HEPACAM: variants seen among roughly 807,000 people sequenced by gnomAD.
HEPACAM encodes hepatic and glial cell adhesion molecule.
Under a neutral mutation model 38.3 loss-of-function variants are expected in HEPACAM, and 18 were observed. The ratio of observed to expected loss-of-function variants is 0.47; its 90% CI spans 0.33 to 0.70. HEPACAM has a LOEUF of 0.70. Among genes scored for constraint, HEPACAM ranks in the 30% least tolerant of loss-of-function variants. The pLI is 0.03. For missense variants in HEPACAM, 466 were observed against 563.0 expected (o/e 0.83, Z 1.74); for synonymous variants, 216 against 243.1 (o/e 0.89, Z 1.04).
intron 1 of HEPACAM, among the ~76,000 whole-genome samples, chr11:124,934,081 A>G (rs1224966339): frequency 2.6e-5 from 4 of 151,926 alleles, no homozygotes; most frequent in African/African-American, 9.7e-5. Flanking sequence ...CTGCCACCCA[A>G]CTCCAGGCTA....
chr11:124,930,339 T>G (rs1947267215), intron 1 of HEPACAM, among the ~76,000 whole-genome samples: 1 of 152,240 alleles, frequency 6.6e-6, no homozygotes. Flanking sequence ...CCGTGTTGTA[T>G]TCTTACATTT....
rs549252759 is a variant in HEPACAM at position 124,935,961 on chromosome 11, G to T, written c.46C>A (p.Arg16Ser). 2.0e-5 allele frequency: 32 copies of T among 1,614,024 alleles called. No homozygotes were observed. The Admixed American group carries it at 4.7e-4, about 24-fold the overall frequency. Reference sequence around the variant, plus strand: ...AGAAGGTAGACAAAAGGAGCAAGGCGCAGGGCCCTGGAGGCTCTGGACAGG... The same window carrying T: ...AGAAGGTAGACAAAAGGAGCAAGGCTCAGGGCCCTGGAGGCTCTGGACAGG... ...GALSRASRALRLAPFVYLLLI... is the reference protein window; with the variant it reads ...GALSRASRALSLAPFVYLLLI... Residue 16 changes from arginine (R) to serine (S), a missense_variant, in exon 1 of 7, where the codon CGC becomes AGC. Coordinates refer to ENST00000298251, the MANE Select transcript of HEPACAM (RefSeq NM_152722.5).
intron 1 of HEPACAM, among the ~76,000 whole-genome samples, chr11:124,928,016 T>C (rs2135403305): frequency 6.6e-6 from 1 of 152,346 alleles, no homozygotes; most frequent in Admixed American, 6.5e-5. Context: ...GCAAGTAAAA[T>C]GAACAACATA....
chr11:124,921,226 G>C lies in HEPACAM; in HGVS notation c.1163C>G (p.Ser388Trp). The C allele has an allele frequency of 6.8e-7, 1 of 1,473,940 alleles. No individual in the cohort carries two copies. The highest frequency in any genetic ancestry group is 8.9e-7 in the Non-Finnish European group (1 of 1,118,882). 91.3% of individuals were successfully genotyped at this position (1,473,940 alleles called of 1,614,324 possible). Residue 388 changes from serine (S) to tryptophan (W), a missense_variant, in exon 7 of 7, where the codon TCG (serine) becomes TGG (tryptophan). Coordinates refer to ENST00000298251, the MANE Select transcript of HEPACAM (RefSeq NM_152722.5). This position sits in a 1 kb window ranked among gnomAD's most constrained non-coding sequence, Gnocchi z 4.6. ...PPRAPSSPGR[S>W]RSASRTLRTA... ...CCGCAGTGTGCGCGAGGCGCTGCGC[G>C]AGCGGCCGGGCGAGCTCGGGGCCCT...
chr11:124,919,303 T>C lies in HEPACAM; in HGVS notation c.*1835A>G, dbSNP rs1947091017. ...ATGTGCTAGGCACTCTGCTGGATGC[T>C]AGTAATACAAAGATGAAGATGAAAA... On this transcript the variant is annotated 3_prime_UTR_variant, in exon 7 of 7. Transcript: ENST00000298251. The C allele has an allele frequency of 5.3e-6, 1 of 187,062 alleles. No individual in the cohort carries two copies. Among genetic ancestry groups the C allele is most frequent in the Admixed American group, 5.6e-5 (1 of 17,912 alleles). The allele number at this position is 187,062 out of a possible 1,614,324, so 11.6% of individuals were successfully genotyped here.
At position 124,924,161 on chromosome 11, in the gene HEPACAM, C is replaced by T; in HGVS notation, c.428-151G>A. The T allele has an allele frequency of 1.3e-6, 1 of 761,478 alleles. No homozygotes were observed. Among genetic ancestry groups the T allele is most frequent in the Non-Finnish European group, 2.2e-6 (1 of 455,320 alleles). 47.2% of individuals were successfully genotyped at this position (761,478 alleles called of 1,614,324 possible). ...GACTTCAGACATCCTAAGTCCAGTTCTTTCCCATCGCTTATTCATTCGTTT... is the reference window on the plus strand; with the variant it reads ...GACTTCAGACATCCTAAGTCCAGTTTTTTCCCATCGCTTATTCATTCGTTT... On this transcript the variant is annotated intron_variant, in intron 2 of 6. Coordinates refer to ENST00000298251, the MANE Select transcript of HEPACAM (RefSeq NM_152722.5). This position sits in a 1 kb window ranked among gnomAD's most constrained non-coding sequence, Gnocchi z 4.4.
At position 124,924,652 on chromosome 11, in the gene HEPACAM, C is replaced by A; in HGVS notation, c.427+76G>T. On this transcript the variant is annotated intron_variant, in intron 2 of 6. Coordinates refer to ENST00000298251, the MANE Select transcript of HEPACAM (RefSeq NM_152722.5). This position sits in a 1 kb window ranked among gnomAD's most constrained non-coding sequence, Gnocchi z 4.4. ...CCTTTTGGGTTGGTTTTCCCTCAGT[C>A]TAGCTGGTGCGCTGGGCAGACCTTT... is the stretch of plus-strand genomic sequence containing the variant. 2 of 1,375,940 alleles carry A rather than the reference C, an allele frequency of 1.5e-6. No homozygotes were observed. The highest frequency in any genetic ancestry group is 1.0e-6 in the Non-Finnish European group (1 of 965,452). 85.2% of individuals were successfully genotyped at this position (1,375,940 alleles called of 1,614,324 possible). A position where few individuals can be genotyped will look rare whatever the true frequency, so the allele number is the denominator to read the frequency against.
At chr11:124,927,799 G>A (rs1251741198) in intron 1 of HEPACAM, among the ~76,000 whole-genome samples, 4 of 151,996 alleles carry the variant, frequency 2.6e-5, no homozygotes, top group African/African-American at 9.7e-5. Context: ...ACTGAAGCAG[G>A]AAAATCGCTT....
chr11:124,931,437 C>T (rs1257112321), intron 1 of HEPACAM, among the ~76,000 whole-genome samples: 1 of 152,174 alleles, frequency 6.6e-6, no homozygotes, highest in African/African-American at 2.4e-5. Context: ...GAACTCCTGG[C>T]CTCAAGCAAT....
chr11:124,927,881 A>G lies in HEPACAM; in HGVS notation c.86-2812T>C, dbSNP rs531042873. Among the ~76,000 whole-genome samples, 80 of 151,898 alleles carry G rather than the reference A, an allele frequency of 5.3e-4. 1 individual carries two copies. Among genetic ancestry groups the G allele is most frequent in the Non-Finnish European group, 1.1e-3 (72 of 67,978 alleles). ...ACTCCAGGCTGGGTGACAGAGCAAG[A>G]CTCTCTCTCAAAAAATAAATAAATA... On this transcript the variant is annotated intron_variant, in intron 1 of 6. Transcript: ENST00000298251.
chr11:124,925,670 T>G lies in HEPACAM; in HGVS notation c.86-601A>C, dbSNP rs140933460. On this transcript the variant is annotated intron_variant, in intron 1 of 6. Transcript: ENST00000298251. ...TTATACCGAGAGCCTCTTCCCGTTTTTTTTGCAGATGCATGTAGCATCTTA... is the reference window on the plus strand; with the variant it reads ...TTATACCGAGAGCCTCTTCCCGTTTGTTTTGCAGATGCATGTAGCATCTTA... Among the ~76,000 whole-genome samples the G allele has an allele frequency of 7.5e-4, 114 of 152,230 alleles. 2 individuals carry two copies. Among genetic ancestry groups the G allele is most frequent in the African/African-American group, 2.6e-3 (109 of 41,546 alleles).
chr11:124,920,309 G>T lies in HEPACAM; in HGVS notation c.*829C>A. On this transcript the variant is annotated 3_prime_UTR_variant, in exon 7 of 7. Transcript: ENST00000298251. ...AGTTCCTCATTTGGTCTAGTTTTCG[G>T]GCCAGGGGAGTAAGTGAAATTCACT... 7.6e-7 allele frequency: 1 copy of T among 1,322,806 alleles called. No homozygotes were observed. The highest frequency in any genetic ancestry group is 1.0e-6 in the Non-Finnish European group (1 of 959,154). 81.9% of individuals were successfully genotyped at this position (1,322,806 alleles called of 1,614,324 possible).
intron 1 of HEPACAM, among the ~76,000 whole-genome samples, chr11:124,933,007 T>G (rs1191456693): frequency 1.3e-5 from 2 of 152,100 alleles, no homozygotes; most frequent in African/African-American, 4.8e-5. Context: ...AATTTATTGG[T>G]CCCAGAAGCA....
In HEPACAM at chr11:124,921,323, G is replaced by A; in HGVS notation, c.1066C>T (p.Arg356Cys). 1 of 1,283,174 alleles carries A rather than the reference G, an allele frequency of 7.8e-7. No individual in the cohort carries two copies. The highest frequency in any genetic ancestry group is 2.7e-5 in the South Asian group (1 of 36,558). 79.5% of individuals were successfully genotyped at this position (1,283,174 alleles called of 1,614,324 possible). Residue 356 changes from arginine to cysteine, a missense_variant, in exon 7 of 7, where the codon CGC (arginine) becomes TGC (cysteine). Physicochemically the swap from Arg to Cys is radical, Grantham distance 180. Transcript: ENST00000298251. The surrounding 1 kb of genome is among the most constrained non-coding windows in gnomAD (Gnocchi z 4.6). The stretch of plus-strand genomic sequence containing the variant: ...GAGCGCGGGTAGCGGCGGGCAGAGC[G>A]GATGGGCAGCCCCGGCGAGCGGCCG... Reference protein sequence around the residue: ...VPGRSPGLPIRSARRYPRSPA... With the variant: ...VPGRSPGLPICSARRYPRSPA...
chr11:124,921,455 G>A lies in HEPACAM; in HGVS notation c.949-15C>T, dbSNP rs1426646927. The A allele has an allele frequency of 8.0e-7, 1 of 1,256,342 alleles. No individual in the cohort carries two copies. Among genetic ancestry groups the A allele is most frequent in the Non-Finnish European group, 1.0e-6 (1 of 1,000,442 alleles). The allele number at this position is 1,256,342 out of a possible 1,614,324, so 77.8% of individuals were successfully genotyped here. A position where few individuals can be genotyped will look rare whatever the true frequency, so the allele number is the denominator to read the frequency against. ...TCCGGGGAGTCCTGCAAGGACACGC[G>A]CCGCAGGGGTCAGGGGACAGTCAGC... is the stretch of plus-strand genomic sequence containing the variant. On this transcript the variant is annotated splice_polypyrimidine_tract_variant and intron_variant, in intron 6 of 6. Transcript: ENST00000298251. The surrounding 1 kb of genome is among the most constrained non-coding windows in gnomAD (Gnocchi z 4.6).
intron 4 of HEPACAM, 21 bp from the exon 5 acceptor site, chr11:124,922,839 A>T: frequency 6.2e-7 from 1 of 1,613,392 alleles, no homozygotes. Flanking sequence ...ATTCAGCCCC[A>T]CTATGAGCCG....
Position 124,923,775 on chromosome 11 carries a change from G to A in HEPACAM, c.663C>T (p.Asn221=), listed in dbSNP as rs529875299. ...DDDLYSCMVE[N]PISQGRSLPV... Reference sequence around the variant, plus strand: ...GCAGGCTGCGGCCCTGGCTGATGGGGTTCTCCACCATGCAGCTGTACAGGT... The same window carrying A: ...GCAGGCTGCGGCCCTGGCTGATGGGATTCTCCACCATGCAGCTGTACAGGT... Residue 221 remains asparagine, a synonymous_variant, in exon 3 of 7, where the codon AAC becomes AAT. Coordinates refer to ENST00000298251, the MANE Select transcript of HEPACAM (RefSeq NM_152722.5). 269 of 1,614,216 alleles carry A rather than the reference G, an allele frequency of 1.7e-4. 3 individuals carry two copies. In the South Asian group the frequency reaches 2.8e-3, roughly 17 times the overall value.
chr11:124,923,568 G>T, intron 3 of HEPACAM, 135 bp from the exon 4 acceptor site: 6 of 1,105,432 alleles, frequency 5.4e-6, no homozygotes, highest in Non-Finnish European at 8.1e-6. Flanking sequence ...GGTGGAGCTT[G>T]TACAGAACCC....
chr11:124,922,760 G>C lies in HEPACAM; in HGVS notation c.862C>G (p.Arg288Gly). The change falls in exon 5 of 7, where the codon CGC becomes GGC. Residue 288 changes from arginine (R) to glycine (G), a missense_variant. Physicochemically the swap from Arg to Gly is moderately radical, Grantham distance 125. Coordinates refer to ENST00000298251, the MANE Select transcript of HEPACAM (RefSeq NM_152722.5). ...SLEYMDQNDDRLKPEADTLPR... is the reference protein window; with the variant it reads ...SLEYMDQNDDGLKPEADTLPR... ...GGGAGCTCACCTTCTGGTTTCAGGC[G>C]GTCATCATTCTGATCCATGTATTCC... is the stretch of plus-strand genomic sequence containing the variant. 1 of 1,614,148 alleles carries C rather than the reference G, an allele frequency of 6.2e-7. No homozygotes were observed. Among genetic ancestry groups the C allele is most frequent in the African/African-American group, 1.3e-5 (1 of 75,034 alleles).
Sources: allele counts gnomAD v4.1 joint callset (sites outside exome capture counted in the v4.1 genomes callset), GRCh38; gene constraint gnomAD v4.1.1; non-coding constraint Gnocchi (gnomAD v3.1); transcripts MANE v1.5; gene names NCBI Gene and HGNC (gene_info 2026-07-23, HGNC 2026-07-21).